COA1: variants seen among roughly 807,000 people sequenced by gnomAD.
COA1 encodes cytochrome c oxidase assembly factor 1 homolog.
In COA1, 13 loss-of-function variants were observed where a neutral mutation model predicts 16.0. The observed-to-expected ratio is 0.81, with a 90% CI of 0.53 to 1.29. The LOEUF is 1.29. COA1 is among the 50% of genes most tolerant of loss of function. The probability of loss-of-function intolerance (pLI) is 0.00; values close to 1 mark genes in which losing one functional copy is unlikely to be tolerated. For missense variants in COA1, 179 were observed against 177.0 expected, an observed-to-expected ratio of 1.01 and a Z score of -0.06; for synonymous variants, 65 against 65.7, an observed-to-expected ratio of 0.99 and a Z score of 0.05.
chr7:43,725,278 A>T (rs922165992), intron 1 of COA1, among the ~76,000 whole-genome samples: 1 of 152,124 alleles, frequency 6.6e-6, no homozygotes, highest in Non-Finnish European at 1.5e-5. Context: ...TTCTGGAGAT[A>T]GATGGTGGTT....
chr7:43,623,551 T>C lies in COA1; in HGVS notation c.*134-14056A>G, dbSNP rs201783294. 1.8e-5 allele frequency: 29 copies of C among 1,601,392 alleles called. 1 individual carries two copies. The South Asian group carries it at 3.3e-4, about 18-fold the overall frequency. On this transcript the variant is annotated intron_variant and NMD_transcript_variant, in intron 6 of 6. Transcript: ENST00000415076. ...ATTTTTTTCCACAAAACTAAATGTT[T>C]TCTTCTCTTTCTGATACTAGCTCCT...
intron 1 of COA1, among the ~76,000 whole-genome samples, chr7:43,670,721 C>T (rs575489375): frequency 6.6e-6 from 1 of 152,138 alleles, no homozygotes. Context: ...CAAACATATA[C>T]TTTTATCCTT....
At chr7:43,609,542 A>G (rs10252175) in intron 6 of COA1, 22,155 of 152,260 alleles carry the variant, frequency 0.15, 2,179 homozygotes, top group Non-Finnish European at 0.21. Context: ...AAGGTCCACT[A>G]TGATGATTCT....
chr7:43,685,853 C>G (rs754589796), intron 1 of COA1, among the ~76,000 whole-genome samples: 11 of 152,186 alleles, frequency 7.2e-5, no homozygotes, highest in Non-Finnish European at 1.0e-4. Flanking sequence ...CCTCCAAACA[C>G]TACTGTAAAC....
At chr7:43,684,580 C>T (rs2093928272) in intron 1 of COA1, among the ~76,000 whole-genome samples, 1 of 152,050 alleles carries the variant, frequency 6.6e-6, no homozygotes, top group South Asian at 2.1e-4. Context: ...AGTCGTGAGC[C>T]AGTGCAAATT....
intron 6 of COA1, among the ~76,000 whole-genome samples, chr7:43,630,985 T>G (rs1424752898): frequency 6.6e-6 from 1 of 152,140 alleles, no homozygotes; most frequent in Non-Finnish European, 1.5e-5. Context: ...TTTAGAAAAC[T>G]CAAGGAGGAA....
chr7:43,663,702 A>G (rs567798685), intron 1 of COA1, among the ~76,000 whole-genome samples: 128 of 151,668 alleles, frequency 8.4e-4, no homozygotes, highest in African/African-American at 2.9e-3. Context: ...ACACACAAAA[A>G]AAAACCTAAA....
intron 1 of COA1, among the ~76,000 whole-genome samples, chr7:43,653,563 G>T (rs1440265779): frequency 2.6e-5 from 4 of 152,006 alleles, no homozygotes; most frequent in Non-Finnish European, 5.9e-5. Context: ...CTGAAATCAT[G>T]GAATAACTTG....
At chr7:43,670,266 T>C (rs967289912) in intron 1 of COA1, among the ~76,000 whole-genome samples, 3 of 152,046 alleles carry the variant, frequency 2.0e-5, no homozygotes, top group Non-Finnish European at 4.4e-5. Flanking sequence ...CTGGCCAACA[T>C]GGTGAAACAT....
chr7:43,657,913 A>G (rs10246559), intron 1 of COA1, among the ~76,000 whole-genome samples: 22,335 of 152,182 alleles, frequency 0.15, 2,185 homozygotes, highest in Non-Finnish European at 0.21. Flanking sequence ...GGTGCTCAAC[A>G]TTATATGTTT....
At chr7:43,681,264 T>A (rs2093757836) in intron 1 of COA1, among the ~76,000 whole-genome samples, 1 of 152,196 alleles carries the variant, frequency 6.6e-6, no homozygotes, top group Non-Finnish European at 1.5e-5. Flanking sequence ...GCTATTGCAT[T>A]TTTAGATTGT....
Position 43,639,571 on chromosome 7 carries a change from C to T in COA1, c.*11G>A. On this transcript the variant is annotated 3_prime_UTR_variant, in exon 6 of 6. Transcript: ENST00000223336. Reference sequence around the variant, plus strand: ...ATGGACTAGAAGCAAGCTGGGTCTTCTGGGTCGTCTCTACTCCTTTTTCAC... The same window carrying T: ...ATGGACTAGAAGCAAGCTGGGTCTTTTGGGTCGTCTCTACTCCTTTTTCAC... 1.9e-6 allele frequency: 3 copies of T among 1,610,758 alleles called. No individual in the cohort carries two copies. The highest frequency in any genetic ancestry group is 2.5e-6 in the Non-Finnish European group (3 of 1,177,108).
intron 1 of COA1, among the ~76,000 whole-genome samples, chr7:43,677,347 C>T (rs1011807348): frequency 2.6e-5 from 4 of 151,976 alleles, no homozygotes; most frequent in African/African-American, 9.7e-5. Flanking sequence ...ACTCTAACAC[C>T]GTTTATTTAA....
At chr7:43,726,916 T>C (rs2095628064) in intron 1 of COA1, among the ~76,000 whole-genome samples, 1 of 152,180 alleles carries the variant, frequency 6.6e-6, no homozygotes, top group Admixed American at 6.5e-5. Flanking sequence ...AAATGGGCAA[T>C]AAGCACTTGA....
intron 1 of COA1, among the ~76,000 whole-genome samples, chr7:43,677,780 G>A (rs1367373534): frequency 1.4e-5 from 2 of 139,626 alleles, no homozygotes; most frequent in African/African-American, 2.7e-5. Flanking sequence ...TAGCCTGGGT[G>A]AGAAAGGGAG....
intron 6 of COA1, among the ~76,000 whole-genome samples, chr7:43,610,592 G>A (rs28637146): frequency 0.14 from 21,837 of 151,468 alleles, 2,079 homozygotes; most frequent in Non-Finnish European, 0.21. Context: ...GCTTGAATCC[G>A]GGAGGTGGAG....
At chr7:43,705,082 A>G (rs922557734) in intron 1 of COA1, among the ~76,000 whole-genome samples, 1 of 152,214 alleles carries the variant, frequency 6.6e-6, no homozygotes, top group African/African-American at 2.4e-5. Flanking sequence ...GGCTCAACAG[A>G]GCACTCCTGG....
In COA1 at chr7:43,704,199, C is replaced by G. The variant is rs532976894; in HGVS notation, c.-39+25230G>C. Among the ~76,000 whole-genome samples the G allele has an allele frequency of 4.6e-5, 7 of 152,296 alleles. No individual in the cohort carries two copies. The East Asian group carries it at 1.2e-3, about 25-fold the overall frequency. On this transcript the variant is annotated intron_variant, in intron 1 of 5. Coordinates refer to ENST00000223336, the MANE Select transcript of COA1 (RefSeq NM_018224.4). ...GCCTCCTATTAGCTGGATGGGGCTA[C>G]CTTAGTATGTGGCCTGCACCTTCTA...
At chr7:43,615,811 C>T (rs1487596023) in intron 6 of COA1, among the ~76,000 whole-genome samples, 2 of 152,178 alleles carry the variant, frequency 1.3e-5, no homozygotes, top group Non-Finnish European at 2.9e-5. Flanking sequence ...GGAATGCTTC[C>T]TGCTTACTCC....
Sources: allele counts gnomAD v4.1 joint callset (sites outside exome capture counted in the v4.1 genomes callset), GRCh38; gene constraint gnomAD v4.1.1; transcripts MANE v1.5; gene names NCBI Gene and HGNC (gene_info 2026-07-23, HGNC 2026-07-21).